The following FAT3 variants were observed in gnomAD, a reference collection of about 807,000 sequenced individuals.
FAT3 encodes protocadherin Fat 3.
FAT3 carries 95 observed loss-of-function variants against 310.2 expected under a neutral mutation model. The ratio of observed to expected loss-of-function variants is 0.31; its 90% CI spans 0.26 to 0.36. The LOEUF is 0.36. FAT3 is among the 10% of genes least tolerant of loss of function. The probability of loss-of-function intolerance (pLI) is 1.00; values close to 1 mark genes in which losing one functional copy is unlikely to be tolerated. For synonymous variants in FAT3, 2,314 were observed against 2,192.9 expected (o/e 1.06, Z -1.54); for missense variants, 5,408 against 5,715.6 (o/e 0.95, Z 1.74).
chr11:92,449,644 G>A (rs777169041), intron 2 of FAT3, among the ~76,000 whole-genome samples: 22 of 152,116 alleles, frequency 1.4e-4, no homozygotes, highest in Non-Finnish European at 2.9e-4. Flanking sequence ...GAGAAGTTCA[G>A]TAACTTGCAA....
chr11:92,869,340 G>A (rs1477625089), intron 22 of FAT3, among the ~76,000 whole-genome samples: 4 of 152,180 alleles, frequency 2.6e-5, no homozygotes, highest in African/African-American at 9.6e-5. Context: ...GTCCCAGGTG[G>A]GGAAATTTGG....
At chr11:92,803,540 TC>T (rs1277089853) in intron 10 of FAT3, among the ~76,000 whole-genome samples, 2 of 152,172 alleles carry the variant, frequency 1.3e-5, no homozygotes, top group African/African-American at 4.8e-5. Context: ...GAAAGTGATA[TC>T]CCAGGGAGGA....
At position 92,887,124 on chromosome 11, in the gene FAT3, A is replaced by G. The variant is rs755961758; in HGVS notation, c.13051+11A>G. ...CTGGTGACGACAATGGTAAGAAGTC[A>G]TCAGATTTGTTCGGAGCGGGTGGGT... On this transcript the variant is annotated intron_variant, in intron 25 of 27. Coordinates refer to ENST00000525166, the MANE Select transcript of FAT3 (RefSeq NM_001367949.2). 6.2e-7 allele frequency: 1 copy of G among 1,602,188 alleles called. No individual in the cohort carries two copies. Among genetic ancestry groups the G allele is most frequent in the Non-Finnish European group, 8.5e-7 (1 of 1,174,114 alleles).
chr11:92,783,502 T>A (rs1946809819), intron 7 of FAT3, among the ~76,000 whole-genome samples: 1 of 140,312 alleles, frequency 7.1e-6, no homozygotes. Context: ...CTTTTTTAAT[T>A]AAAAAAAAAA....
chr11:92,642,580 T>C (rs1442243927), intron 3 of FAT3, among the ~76,000 whole-genome samples: 2 of 152,204 alleles, frequency 1.3e-5, no homozygotes, highest in African/African-American at 4.8e-5. Context: ...AATGCAGACA[T>C]GGTTGCTATT....
chr11:92,307,006 A>G (rs994251129), intron 1 of FAT3, among the ~76,000 whole-genome samples: 1 of 150,692 alleles, frequency 6.6e-6, no homozygotes, highest in East Asian at 2.0e-4. Flanking sequence ...TATGTTGCCC[A>G]GGCTGATCTC....
rs1334877817 is a variant in FAT3, at chr11:92,893,855, A to T, written c.*2742A>T. 6.6e-6 allele frequency: 1 copy of T among 152,220 alleles called. No homozygotes were observed. The highest frequency in any genetic ancestry group is 6.5e-5 in the Admixed American group (1 of 15,286). 9.4% of individuals were successfully genotyped at this position (152,220 alleles called of 1,614,324 possible). On this transcript the variant is annotated 3_prime_UTR_variant, in exon 28 of 28. Coordinates refer to ENST00000525166, the MANE Select transcript of FAT3 (RefSeq NM_001367949.2). ...GCCAAGATGCTACTAGGTGGGGATG[A>T]TCACTAATTCAAAAAAGCTGGAAGA... is the stretch of plus-strand genomic sequence containing the variant.
Position 92,747,662 on chromosome 11 carries a change from C to T in FAT3, c.3670-14194C>T, listed in dbSNP as rs186463638. ...GCTGCAAAATTTCCAAACATTTATG[C>T]TCTGCTTCCTCTGGAATGTTTTGCT... On this transcript the variant is annotated intron_variant, in intron 4 of 27. Coordinates refer to ENST00000525166, the MANE Select transcript of FAT3 (RefSeq NM_001367949.2). Among the ~76,000 whole-genome samples the T allele has an allele frequency of 7.8e-4, 119 of 152,326 alleles. 2 individuals are homozygous for T. The highest frequency in any genetic ancestry group is 2.0e-3 in the African/African-American group (84 of 41,576).
chr11:92,867,181 G>T lies in FAT3; in HGVS notation c.12099G>T (p.Gly4033=). 6.3e-7 allele frequency: 1 copy of T among 1,587,790 alleles called. No homozygotes were observed. The highest frequency in any genetic ancestry group is 2.3e-5 in the East Asian group (1 of 43,944). ...DACKRSPCQH[G]GSCTGLPSGG... is the part of the protein sequence containing the mutation. Reference sequence around the variant, plus strand: ...GCAAGCGCAGCCCGTGCCAGCACGGGGGCAGCTGCACTGGCCTGCCATCGG... The same window carrying T: ...GCAAGCGCAGCCCGTGCCAGCACGGTGGCAGCTGCACTGGCCTGCCATCGG... Residue 4033 remains glycine, a synonymous_variant, in exon 22 of 28, where the codon GGG becomes GGT. Coordinates refer to ENST00000525166, the MANE Select transcript of FAT3 (RefSeq NM_001367949.2).
chr11:92,641,174 G>A (rs1474754926), intron 3 of FAT3, among the ~76,000 whole-genome samples: 1 of 152,110 alleles, frequency 6.6e-6, no homozygotes, highest in Non-Finnish European at 1.5e-5. Flanking sequence ...CAGCATGGAT[G>A]ACAGAGAGAG....
At chr11:92,517,212 C>T (rs981485131) in intron 2 of FAT3, among the ~76,000 whole-genome samples, 13 of 152,068 alleles carry the variant, frequency 8.5e-5, no homozygotes, top group East Asian at 3.9e-4. Context: ...GGAGGCATCA[C>T]GCTACCTGAC....
At chr11:92,377,853 A>G (rs1290657225) in intron 2 of FAT3, among the ~76,000 whole-genome samples, 1 of 152,194 alleles carries the variant, frequency 6.6e-6, no homozygotes, top group East Asian at 1.9e-4. Context: ...ATTCCTTTCC[A>G]AAGGTTAAAT....
At chr11:92,514,446 A>G (rs1953409363) in intron 2 of FAT3, among the ~76,000 whole-genome samples, 1 of 152,220 alleles carries the variant, frequency 6.6e-6, no homozygotes, top group African/African-American at 2.4e-5. Context: ...GAGCATCTCA[A>G]CATAATCCAC....
chr11:92,450,207 T>C (rs560110138), intron 2 of FAT3, among the ~76,000 whole-genome samples: 214 of 152,328 alleles, frequency 1.4e-3, no homozygotes, highest in African/African-American at 4.9e-3. Context: ...CTTCTAAAAA[T>C]TTCTCCTTCT....
intron 19 of FAT3, among the ~76,000 whole-genome samples, chr11:92,848,912 A>G (rs1446455145): frequency 6.6e-6 from 1 of 152,242 alleles, no homozygotes; most frequent in East Asian, 1.9e-4. Flanking sequence ...AGGGGATTCC[A>G]AACCAAAGGG....
At position 92,800,250 on chromosome 11, in the gene FAT3, G is replaced by T; in HGVS notation, c.7237G>T (p.Val2413Leu). Reference protein sequence around the residue: ...VSELAPRGHFVTCVQASDADS... With the variant: ...VSELAPRGHFLTCVQASDADS... ...TGAATTAGCCCCCCGGGGCCATTTT[G>T]TAACCTGTGTACAAGCCTCTGATGC... The change falls in exon 10 of 28, where the codon GTA (valine) becomes TTA (leucine). Residue 2413 changes from valine (V) to leucine (L), a missense_variant. Val to Leu is a conservative substitution (Grantham distance 32, BLOSUM62 1). Transcript: ENST00000525166. 1 of 1,613,986 alleles carries T rather than the reference G, an allele frequency of 6.2e-7. No homozygotes were observed. The highest frequency in any genetic ancestry group is 2.2e-5 in the East Asian group (1 of 44,870).
chr11:92,381,771 T>A (rs556816795), intron 2 of FAT3, among the ~76,000 whole-genome samples: 1 of 152,160 alleles, frequency 6.6e-6, no homozygotes, highest in Non-Finnish European at 1.5e-5. Flanking sequence ...AATGAAAAAA[T>A]TATTAATTAC....
chr11:92,707,176 A>G (rs916611437), intron 4 of FAT3, among the ~76,000 whole-genome samples: 2 of 152,236 alleles, frequency 1.3e-5, no homozygotes, highest in African/African-American at 4.8e-5. Flanking sequence ...AAACCTGAAC[A>G]CTAATTAGTA....
intron 2 of FAT3, among the ~76,000 whole-genome samples, chr11:92,407,443 G>A (rs1176281483): frequency 6.6e-6 from 1 of 152,080 alleles, no homozygotes; most frequent in African/African-American, 2.4e-5. Flanking sequence ...TATTTGTTGA[G>A]GGGTAACATG....
Sources: gnomAD v4.1 joint callset for allele counts (sites outside exome capture counted in the v4.1 genomes callset) on GRCh38, gnomAD v4.1.1 for gene constraint, MANE v1.5 for transcripts, NCBI Gene and HGNC (gene_info 2026-07-23, HGNC 2026-07-21) for gene names.